MMP14: variants seen among roughly 807,000 people sequenced by gnomAD.
The protein encoded by MMP14 is matrix metallopeptidase 14.
In MMP14, 13 loss-of-function variants were observed where a neutral mutation model predicts 64.8. The ratio of observed to expected loss-of-function variants is 0.20; its 90% confidence interval spans 0.13 to 0.32. MMP14 has a LOEUF of 0.32. Among genes scored for constraint, MMP14 ranks in the 10% least tolerant of loss-of-function variants. MMP14 has a pLI of 1.00. For synonymous variants in MMP14, 322 were observed against 315.9 expected (o/e 1.02, Z -0.20); for missense variants, 594 against 783.8 (o/e 0.76, Z 2.89).
chr14:22,838,571 T>G (rs1352895526), intron 1 of MMP14, among the ~76,000 whole-genome samples: 1 of 152,182 alleles, frequency 6.6e-6, no homozygotes, highest in Admixed American at 6.5e-5. Context: ...TGCATCTCTC[T>G]CATTCGCAAA....
At position 22,847,390 on chromosome 14, in the gene MMP14, A is replaced by G; in HGVS notation, c.*1351A>G. 1.2e-5 allele frequency: 1 copy of G among 86,712 alleles called. No individual in the cohort carries two copies. The highest frequency in any genetic ancestry group is 2.2e-5 in the Non-Finnish European group (1 of 45,196). The allele number at this position is 86,712 out of a possible 1,614,324, so 5.4% of individuals were successfully genotyped here. ...CCACCCATTGAAGTCTCCTTGGGCC[A>G]CCAAAGGTGGTGGCCATGGTACCGG... is the stretch of plus-strand genomic sequence containing the variant. On this transcript the variant is annotated 3_prime_UTR_variant, in exon 10 of 10. Transcript: ENST00000311852.
rs1341507971 is a variant in MMP14, at chr14:22,843,495, T to C, written c.850+77T>C. ...TGGTCTACGCATTTCCCCTCTTTTA[T>C]GCCTTGCAGTCTCCGCACCGCCCCC... On this transcript the variant is annotated intron_variant, in intron 5 of 9. Coordinates refer to ENST00000311852, the MANE Select transcript of MMP14 (RefSeq NM_004995.4). This position sits in a 1 kb window ranked among gnomAD's most constrained non-coding sequence, Gnocchi z 4.8. 2 of 1,534,020 alleles carry C rather than the reference T, an allele frequency of 1.3e-6. No individual in the cohort carries two copies. Among genetic ancestry groups the C allele is most frequent in the Non-Finnish European group, 1.8e-6 (2 of 1,129,450 alleles).
chr14:22,844,262 C>G, intron 6 of MMP14, 109 bp from the exon 7 acceptor site: 1 of 1,508,424 alleles, frequency 6.6e-7, no homozygotes, highest in Non-Finnish European at 9.0e-7. Flanking sequence ...AACAGCTGGA[C>G]TAAAAACTAA....
In MMP14 at chr14:22,843,249, C is replaced by T; in HGVS notation, c.689-8C>T. 1 of 1,611,988 alleles carries T rather than the reference C, an allele frequency of 6.2e-7. No individual in the cohort carries two copies. Among genetic ancestry groups the T allele is most frequent in the Non-Finnish European group, 8.5e-7 (1 of 1,178,612 alleles). On this transcript the variant is annotated splice_region_variant and splice_polypyrimidine_tract_variant and intron_variant, in intron 4 of 9. Coordinates refer to ENST00000311852, the MANE Select transcript of MMP14 (RefSeq NM_004995.4). The surrounding 1 kb of genome is among the most constrained non-coding windows in gnomAD (Gnocchi z 4.8). ...AGGCTGCTATCGTCACTGTCCCCATCCTTCCAGGAAATGACATCTTCCTGG... is the reference window on the plus strand; with the variant it reads ...AGGCTGCTATCGTCACTGTCCCCATTCTTCCAGGAAATGACATCTTCCTGG...
Position 22,842,447 on chromosome 14 carries a change from A to C in MMP14, c.418A>C (p.Thr140Pro), listed in dbSNP as rs1297447716. Residue 140 changes from threonine to proline, a missense_variant, in exon 4 of 10, where the codon ACA (threonine) becomes CCA (proline). Thr to Pro is a conservative substitution (Grantham distance 38). Coordinates refer to ENST00000311852, the MANE Select transcript of MMP14 (RefSeq NM_004995.4). The surrounding 1 kb of genome is among the most constrained non-coding windows in gnomAD (Gnocchi z 5.3). ...NYTPKVGEYATYEAIRKAFRV... is the reference protein window; with the variant it reads ...NYTPKVGEYAPYEAIRKAFRV... ...CACCCCCAAGGTGGGCGAGTATGCC[A>C]CATACGAGGCCATTCGCAAGGCGTT... 6.2e-7 allele frequency: 1 copy of C among 1,613,878 alleles called. No homozygotes were observed. The highest frequency in any genetic ancestry group is 1.3e-5 in the African/African-American group (1 of 74,938).
rs2039822050 is a variant in MMP14, at chr14:22,847,338, G to A, written c.*1299G>A. On this transcript the variant is annotated 3_prime_UTR_variant, in exon 10 of 10. Coordinates refer to ENST00000311852, the MANE Select transcript of MMP14 (RefSeq NM_004995.4). The stretch of plus-strand genomic sequence containing the variant: ...ACCCCTCAAGCCTGTCTCACCAGTG[G>A]CCTGCCCTCTCGCTCCCCCACCCAG... 1 of 152,162 alleles carries A rather than the reference G, an allele frequency of 6.6e-6. No homozygotes were observed. Among genetic ancestry groups the A allele is most frequent in the African/African-American group, 2.4e-5 (1 of 41,356 alleles). The allele number at this position is 152,162 out of a possible 1,614,324, so 9.4% of individuals were successfully genotyped here. A position where few individuals can be genotyped will look rare whatever the true frequency, so the allele number is the denominator to read the frequency against.
intron 6 of MMP14, among the ~76,000 whole-genome samples, 159 bp downstream of exon 6, chr14:22,844,029 C>T (rs2039793266): frequency 6.6e-6 from 1 of 152,112 alleles, no homozygotes; most frequent in Admixed American, 6.6e-5. Flanking sequence ...AACCCCGTCT[C>T]TACTAAAAAT....
intron 1 of MMP14, among the ~76,000 whole-genome samples, chr14:22,839,584 C>T (rs545334223): frequency 2.6e-5 from 4 of 152,326 alleles, no homozygotes; most frequent in African/African-American, 9.6e-5. Flanking sequence ...GGTTCTAGCT[C>T]GCATCAGCCT....
chr14:22,841,016 G>A (rs1439860883), intron 1 of MMP14, among the ~76,000 whole-genome samples: 1 of 152,220 alleles, frequency 6.6e-6, no homozygotes, highest in African/African-American at 2.4e-5. Context: ...TGAGGGTCCT[G>A]GGGACATGGC....
chr14:22,847,643 T>TGG lies in MMP14; in HGVS notation c.*1610_*1611dup, dbSNP rs936574065. 1 of 5,688 alleles carries TGG rather than the reference T, an allele frequency of 1.8e-4. No homozygotes were observed. The highest frequency in any genetic ancestry group is 3.6e-4 in the Non-Finnish European group (1 of 2,776). 0.4% of individuals were successfully genotyped at this position (5,688 alleles called of 1,614,324 possible). A position where few individuals can be genotyped will look rare whatever the true frequency, so the allele number is the denominator to read the frequency against. On this transcript the variant is annotated 3_prime_UTR_variant, in exon 10 of 10. Coordinates refer to ENST00000311852, the MANE Select transcript of MMP14 (RefSeq NM_004995.4). ...CAAGGGGCATGGGGAGGGGTGGGGGTGGGGGGGCAGAGGCGTCTGACCCCA... is the reference window on the plus strand; with the variant it reads ...CAAGGGGCATGGGGAGGGGTGGGGGTGGGGGGGGGCAGAGGCGTCTGACCCCA...
chr14:22,843,318 C>T lies in MMP14; in HGVS notation c.750C>T (p.Ser250=). The T allele has an allele frequency of 3.7e-6, 6 of 1,614,078 alleles. No individual in the cohort carries two copies. Among genetic ancestry groups the T allele is most frequent in the Non-Finnish European group, 5.1e-6 (6 of 1,180,028 alleles). Residue 250 remains serine, a synonymous_variant, in exon 5 of 10, where the codon TCC becomes TCT. Transcript: ENST00000311852. This position sits in a 1 kb window ranked among gnomAD's most constrained non-coding sequence, Gnocchi z 4.8. The stretch of plus-strand genomic sequence containing the variant: ...GCCATGCCCTGGGGCTCGAGCATTC[C>T]AGTGACCCCTCGGCCATCATGGCAC... ...ELGHALGLEH[S]SDPSAIMAPF...
Position 22,844,797 on chromosome 14 carries a change from T to G in MMP14, c.1301+17T>G. ...TGGAAACAAGTAAGACCTCAACCCC[T>G]TAACCCCAGGCCTCCCTCAGAAACC... On this transcript the variant is annotated intron_variant, in intron 8 of 9. Transcript: ENST00000311852. 1 of 1,613,774 alleles carries G rather than the reference T, an allele frequency of 6.2e-7. No homozygotes were observed. Among genetic ancestry groups the G allele is most frequent in the Non-Finnish European group, 8.5e-7 (1 of 1,179,828 alleles).
At position 22,845,900 on chromosome 14, in the gene MMP14, T is replaced by G; in HGVS notation, c.1610T>G (p.Val537Gly). The G allele has an allele frequency of 1.9e-6, 3 of 1,611,100 alleles. No homozygotes were observed. Among genetic ancestry groups the G allele is most frequent in the Non-Finnish European group, 2.5e-6 (3 of 1,178,798 alleles). ...GTGGACGAGGAGGGCGGCGGGGCGG[T>G]GAGCGCGGCTGCCGTGGTGCTGCCC... is the stretch of plus-strand genomic sequence containing the variant. ...IEVDEEGGGA[V>G]SAAAVVLPVL... The change falls in exon 10 of 10, where the codon GTG (valine) becomes GGG (glycine). Residue 537 changes from valine to glycine, a missense_variant. Coordinates refer to ENST00000311852, the MANE Select transcript of MMP14 (RefSeq NM_004995.4).
At chr14:22,845,483 C>A in intron 9 of MMP14, 117 bp downstream of exon 9, 1 of 872,950 alleles carries the variant, frequency 1.1e-6, no homozygotes, top group Non-Finnish European at 1.8e-6. Flanking sequence ...GATAATACCA[C>A]ATACCAGGCG....
chr14:22,844,296 G>A (rs1329353857), intron 6 of MMP14, 75 bp from the exon 7 acceptor site: 53 of 1,584,496 alleles, frequency 3.3e-5, no homozygotes, highest in South Asian at 1.1e-4. Context: ...ACAGCAGTGC[G>A]GGAGCTTTGG....
chr14:22,842,860 C>T lies in MMP14; in HGVS notation c.688+143C>T. 1 of 888,924 alleles carries T rather than the reference C, an allele frequency of 1.1e-6. No individual in the cohort carries two copies. Among genetic ancestry groups the T allele is most frequent in the South Asian group, 1.8e-5 (1 of 55,596 alleles). The allele number at this position is 888,924 out of a possible 1,614,324, so 55.1% of individuals were successfully genotyped here. On this transcript the variant is annotated intron_variant, in intron 4 of 9. Coordinates refer to ENST00000311852, the MANE Select transcript of MMP14 (RefSeq NM_004995.4). This position sits in a 1 kb window ranked among gnomAD's most constrained non-coding sequence, Gnocchi z 5.3. ...CTAACTTCTGACAAAAGCAGGAGTC[C>T]TGTTTGAGCTATTTACATCTGGTCC...
chr14:22,839,071 C>T (rs979330851), intron 1 of MMP14, among the ~76,000 whole-genome samples: 5 of 152,182 alleles, frequency 3.3e-5, no homozygotes, highest in Non-Finnish European at 7.3e-5. Flanking sequence ...TCTTCTGTCC[C>T]GTCTTCCTTC....
rs930279259 is a variant in MMP14 at position 22,841,784 on chromosome 14, A to T, written c.258-129A>T. On this transcript the variant is annotated intron_variant, in intron 2 of 9. Coordinates refer to ENST00000311852, the MANE Select transcript of MMP14 (RefSeq NM_004995.4). ...TGCTGATCCTGACCCTCTCATATTC[A>T]CCCTGACCTCATAACCTTGGCCTTT... 1.9e-6 allele frequency: 3 copies of T among 1,553,982 alleles called. No individual in the cohort carries two copies. In the African/African-American group the frequency reaches 4.1e-5, roughly 21 times the overall value.
At chr14:22,838,052 C>T (rs2039747610) in intron 1 of MMP14, among the ~76,000 whole-genome samples, 1 of 152,186 alleles carries the variant, frequency 6.6e-6, no homozygotes, top group Non-Finnish European at 1.5e-5. Flanking sequence ...AGAATACTGT[C>T]TTCTCTCTGC....
Sources: gnomAD v4.1 joint callset for allele counts (sites outside exome capture counted in the v4.1 genomes callset) on GRCh38, gnomAD v4.1.1 for gene constraint, Gnocchi (gnomAD v3.1) non-coding constraint, MANE v1.5 for transcripts, NCBI Gene and HGNC (gene_info 2026-07-23, HGNC 2026-07-21) for gene names.